RSF1: variants seen among roughly 807,000 people sequenced by gnomAD.
RSF1 encodes HBV pX-associated protein 8.
Under a neutral mutation model 145.2 loss-of-function variants are expected in RSF1, and 13 were observed. The ratio of observed to expected loss-of-function variants is 0.09; its 90% CI spans 0.06 to 0.14. RSF1 has a LOEUF of 0.14. Among genes scored for constraint, RSF1 ranks in the 10% least tolerant of loss-of-function variants. The pLI is 1.00. For missense variants in RSF1, 1,517 were observed against 1,718.2 expected, an observed-to-expected ratio of 0.88 and a Z score of 2.07; for synonymous variants, 577 against 592.6, an observed-to-expected ratio of 0.97 and a Z score of 0.38.
chr11:77,711,671 AAAAC>A (rs60296832), intron 5 of RSF1, among the ~76,000 whole-genome samples: 15 of 151,678 alleles, frequency 9.9e-5, no homozygotes, highest in East Asian at 7.8e-4. Flanking sequence ...GTCCGTCTCA[AAAAC>A]AAACAAACAA....
At chr11:77,746,671 T>C (rs1310065472) in intron 3 of RSF1, among the ~76,000 whole-genome samples, 1 of 152,152 alleles carries the variant, frequency 6.6e-6, no homozygotes, top group African/African-American at 2.4e-5. Context: ...AAGTACGAAA[T>C]GACATGCTCC....
chr11:77,720,343 CT>C (rs970319113), intron 5 of RSF1, among the ~76,000 whole-genome samples: 1 of 152,172 alleles, frequency 6.6e-6, no homozygotes, highest in African/African-American at 2.4e-5. Context: ...CTTCCCTCAG[CT>C]TTTTCCCCAG....
intron 11 of RSF1, 47 bp downstream of exon 11, chr11:77,683,663 G>C (rs1295929711): frequency 3.9e-6 from 5 of 1,289,958 alleles, no homozygotes; most frequent in Non-Finnish European, 4.5e-6. Flanking sequence ...CTGTGTACTT[G>C]CAAAATAAAT....
intron 1 of RSF1, among the ~76,000 whole-genome samples, chr11:77,809,809 A>C (rs1365516549): frequency 6.6e-6 from 1 of 152,248 alleles, no homozygotes; most frequent in African/African-American, 2.4e-5. Context: ...TACCAAAAGC[A>C]AGTTAGAATG....
intron 1 of RSF1, among the ~76,000 whole-genome samples, chr11:77,818,900 A>G (rs999241332): frequency 6.6e-6 from 1 of 152,266 alleles, no homozygotes; most frequent in Non-Finnish European, 1.5e-5. Context: ...TAATGTAATT[A>G]GTCACCCTCC....
At chr11:77,813,345 C>T in intron 1 of RSF1, 1 of 914,134 alleles carries the variant, frequency 1.1e-6, no homozygotes, top group Non-Finnish European at 1.8e-6. Context: ...GTGACTTTCA[C>T]CTCAACTCCC....
chr11:77,697,096 T>A (rs530239450), intron 7 of RSF1, among the ~76,000 whole-genome samples: 87 of 152,130 alleles, frequency 5.7e-4, no homozygotes, highest in African/African-American at 2.0e-3. Context: ...AATAAAGAAA[T>A]CAAAATACAG....
Position 77,728,866 on chromosome 11 carries a change from T to TA in RSF1, c.579-3168dup, listed in dbSNP as rs550635070. Among the ~76,000 whole-genome samples the TA allele has an allele frequency of 4.3e-3, 617 of 143,714 alleles. 6 individuals carry two copies. Among genetic ancestry groups the TA allele is most frequent in the Middle Eastern group, 0.014 (4 of 276 alleles). The allele number at this position is 143,714 out of a possible 152,430, so 94.3% of individuals were successfully genotyped here. ...ATAGTGGTACCAGATGCATAACTTG[T>TA]AAAAAAAAAAAACTGCTCAATTATA... On this transcript the variant is annotated intron_variant, in intron 4 of 15. Transcript: ENST00000308488.
At position 77,696,711 on chromosome 11, in the gene RSF1, A is replaced by C. The variant is rs73508705; in HGVS notation, c.2715+1776T>G. On this transcript the variant is annotated intron_variant, in intron 7 of 15. Transcript: ENST00000308488. ...TTTTTTTCTTGATTTAGAAGGCAGA[A>C]AAGACTACTATCTCAAATGTCCTCT... 1.9e-3 allele frequency among the ~76,000 whole-genome samples: 287 copies of C among 152,346 alleles called. 2 individuals are homozygous for C. Among genetic ancestry groups the C allele is most frequent in the Middle Eastern group, 6.8e-3 (2 of 294 alleles).
chr11:77,815,818 G>A (rs975366493), intron 1 of RSF1, among the ~76,000 whole-genome samples: 1 of 152,116 alleles, frequency 6.6e-6, no homozygotes, highest in Non-Finnish European at 1.5e-5. Flanking sequence ...TATATATTAA[G>A]TGAATAACCT....
intron 2 of RSF1, 79 bp from the exon 3 acceptor site, chr11:77,747,207 T>C (rs1177941823): frequency 3.5e-6 from 3 of 846,530 alleles, no homozygotes; most frequent in Non-Finnish European, 5.9e-6. Flanking sequence ...TATGCTGTTC[T>C]TGTTAATACA....
At chr11:77,706,877 C>T (rs1228896005) in intron 5 of RSF1, among the ~76,000 whole-genome samples, 7 of 152,274 alleles carry the variant, frequency 4.6e-5, no homozygotes, top group African/African-American at 1.7e-4. Context: ...CAGGCACAAT[C>T]TCCTGGGTTG....
rs142934342 is a variant in RSF1, at chr11:77,664,181, A to G, written c.*2736T>C. ...TTTGAGGGACTGAATCTGAACTCCAAGCAGCAAAACCGTTTTTGCACTGCT... is the reference window on the plus strand; with the variant it reads ...TTTGAGGGACTGAATCTGAACTCCAGGCAGCAAAACCGTTTTTGCACTGCT... On this transcript the variant is annotated 3_prime_UTR_variant, in exon 16 of 16. Transcript: ENST00000308488. 5.3e-5 allele frequency: 8 copies of G among 152,328 alleles called. No homozygotes were observed. In the East Asian group the frequency reaches 1.5e-3, roughly 29 times the overall value. The allele number at this position is 152,328 out of a possible 1,614,324, so 9.4% of individuals were successfully genotyped here. A position where few individuals can be genotyped will look rare whatever the true frequency, so the allele number is the denominator to read the frequency against.
the RSF1 span, among the ~76,000 whole-genome samples, chr11:77,860,769 GA>G: frequency 6.6e-6 from 1 of 152,160 alleles, no homozygotes; most frequent in African/African-American, 2.4e-5. Flanking sequence ...CAGGGATGCA[GA>G]AAAAGGCATC....
chr11:77,858,369 C>CA, the RSF1 span, among the ~76,000 whole-genome samples: 1 of 132,896 alleles, frequency 7.5e-6, no homozygotes. Flanking sequence ...AGCTCCCATA[C>CA]AAAGGGAGGA....
At chr11:77,783,718 A>C (rs1355356018) in intron 1 of RSF1, among the ~76,000 whole-genome samples, 1 of 151,954 alleles carries the variant, frequency 6.6e-6, no homozygotes, top group Non-Finnish European at 1.5e-5. Flanking sequence ...GGTGTGCGTC[A>C]GGAGTCCCAG....
At chr11:77,747,917 AATG>A (rs1948018815) in intron 2 of RSF1, among the ~76,000 whole-genome samples, 1 of 152,332 alleles carries the variant, frequency 6.6e-6, no homozygotes, top group South Asian at 2.1e-4. Flanking sequence ...GTAGGCAAAA[AATG>A]ATACAAAATG....
At chr11:77,733,102 T>C (rs1236382377) in intron 4 of RSF1, among the ~76,000 whole-genome samples, 2 of 152,214 alleles carry the variant, frequency 1.3e-5, no homozygotes, top group African/African-American at 4.8e-5. Flanking sequence ...AAATGAAATT[T>C]ATAGGTTATG....
At chr11:77,714,095 C>T (rs1174273245) in intron 5 of RSF1, among the ~76,000 whole-genome samples, 2 of 152,330 alleles carry the variant, frequency 1.3e-5, no homozygotes, top group Admixed American at 6.5e-5. Context: ...GATCACCTAA[C>T]TCTATTCTTC....
Sources: gnomAD v4.1 joint callset for allele counts (sites outside exome capture counted in the v4.1 genomes callset) on GRCh38, gnomAD v4.1.1 for gene constraint, MANE v1.5 for transcripts, NCBI Gene and HGNC (gene_info 2026-07-23, HGNC 2026-07-21) for gene names.